Variants in CALN1 observed in about 807,000 individuals in gnomAD.
CALN1 encodes the protein calneuron 1, also known as calcium-binding protein 8.
A neutral mutation model predicts 30.6 loss-of-function variants in CALN1; 17 were observed. That is an observed-to-expected ratio of 0.56 (90% confidence interval 0.38 to 0.83). The LOEUF is 0.83. Among genes scored for constraint, CALN1 ranks in the 40% least tolerant of loss-of-function variants. The pLI is 0.00. For missense variants in CALN1, 291 were observed against 354.9 expected (o/e 0.82, Z 1.45); for synonymous variants, 156 against 131.4 (o/e 1.19, Z -1.28).
chr7:72,226,233 G>T (rs2129550268), intron 3 of CALN1, among the ~76,000 whole-genome samples: 2 of 152,016 alleles, frequency 1.3e-5, no homozygotes, highest in Admixed American at 1.3e-4. Flanking sequence ...TGACAAGAGT[G>T]AAAATCTGTC....
At chr7:72,174,456 C>T (rs1418874073) in intron 3 of CALN1, among the ~76,000 whole-genome samples, 1 of 152,074 alleles carries the variant, frequency 6.6e-6, no homozygotes, top group Non-Finnish European at 1.5e-5. Context: ...AGCTTTATTA[C>T]ATTTTTGACT....
chr7:72,009,540 A>C (rs1799952650), intron 5 of CALN1, among the ~76,000 whole-genome samples: 1 of 152,198 alleles, frequency 6.6e-6, no homozygotes, highest in Non-Finnish European at 1.5e-5. Context: ...GCTATCATAT[A>C]TTCATGGTTT....
At chr7:72,132,811 G>C (rs562440997) in intron 3 of CALN1, among the ~76,000 whole-genome samples, 57 of 152,080 alleles carry the variant, frequency 3.7e-4, no homozygotes, top group African/African-American at 1.3e-3. Flanking sequence ...TTAAAGTAGG[G>C]GTCCCCAACC....
chr7:72,474,007 T>TG, the CALN1 span, among the ~76,000 whole-genome samples: 317 of 151,700 alleles, frequency 2.1e-3, no homozygotes, highest in Middle Eastern at 3.4e-3. Flanking sequence ...CTGAGTATTT[T>TG]GAAAAAAAAG....
chr7:72,396,258 G>GAAAAAAAAAA (rs1554399594), intron 2 of CALN1, among the ~76,000 whole-genome samples: 12 of 109,660 alleles, frequency 1.1e-4, no homozygotes, highest in South Asian at 3.1e-4. Flanking sequence ...AAAAAAAAAA[G>GAAAAAAAAAA]AAAGAAAAAG....
chr7:72,459,096 G>A, the CALN1 span, among the ~76,000 whole-genome samples: 11 of 151,810 alleles, frequency 7.2e-5, no homozygotes, highest in Non-Finnish European at 2.9e-5. Context: ...ATGAGACGGG[G>A]TTTCACCATG....
intron 5 of CALN1, among the ~76,000 whole-genome samples, chr7:71,971,092 G>A (rs1441858122): frequency 2.0e-5 from 3 of 152,172 alleles, no homozygotes; most frequent in Non-Finnish European, 1.5e-5. Context: ...CCACAAAAGA[G>A]GACTGGTAAA....
intron 1 of CALN1, among the ~76,000 whole-genome samples, chr7:72,431,023 G>A (rs1203067282): frequency 1.4e-5 from 2 of 138,424 alleles, no homozygotes; most frequent in African/African-American, 5.5e-5. Flanking sequence ...TCCGCCTCCC[G>A]GGTTCAAGCG....
At chr7:72,338,019 C>A (rs1802181387) in intron 2 of CALN1, among the ~76,000 whole-genome samples, 1 of 152,218 alleles carries the variant, frequency 6.6e-6, no homozygotes, top group South Asian at 2.1e-4. Flanking sequence ...CTTTCCCAGT[C>A]CCCACCTGTC....
At chr7:72,041,824 C>T (rs551038025) in intron 4 of CALN1, among the ~76,000 whole-genome samples, 30 of 152,140 alleles carry the variant, frequency 2.0e-4, no homozygotes, top group Non-Finnish European at 2.8e-4. Context: ...TCTGATGATC[C>T]GATAAAGGGG....
At chr7:72,020,679 T>C (rs1800653181) in intron 5 of CALN1, among the ~76,000 whole-genome samples, 1 of 152,210 alleles carries the variant, frequency 6.6e-6, no homozygotes, top group African/African-American at 2.4e-5. Context: ...CTCCAGCCTA[T>C]CTTTTCACCC....
At chr7:72,075,346 A>ATT (rs1804658584) in intron 4 of CALN1, among the ~76,000 whole-genome samples, 1 of 152,234 alleles carries the variant, frequency 6.6e-6, no homozygotes, top group Non-Finnish European at 1.5e-5. Context: ...AGTCAAGTTG[A>ATT]CACATAAGAT....
chr7:71,930,917 G>C (rs1275317015), intron 5 of CALN1, among the ~76,000 whole-genome samples: 1 of 152,124 alleles, frequency 6.6e-6, no homozygotes, highest in Non-Finnish European at 1.5e-5. Context: ...GTCTAATTTA[G>C]ATGTCCCTTT....
At chr7:71,978,523 CT>C (rs1798224315) in intron 5 of CALN1, among the ~76,000 whole-genome samples, 1 of 152,078 alleles carries the variant, frequency 6.6e-6, no homozygotes, top group African/African-American at 2.4e-5. Context: ...ATCCGCCCAC[CT>C]CAGCCTCCCA....
intron 4 of CALN1, among the ~76,000 whole-genome samples, chr7:72,102,769 G>A (rs1353831228): frequency 6.6e-6 from 1 of 152,098 alleles, no homozygotes; most frequent in Non-Finnish European, 1.5e-5. Context: ...ATTGAGAGGT[G>A]ATGGCTAAGA....
intron 1 of CALN1, among the ~76,000 whole-genome samples, chr7:72,437,635 CT>C: frequency 6.6e-6 from 1 of 151,078 alleles, no homozygotes; most frequent in South Asian, 2.1e-4. Flanking sequence ...CTTTCTTTTT[CT>C]TTCTCTTTCT....
intron 4 of CALN1, among the ~76,000 whole-genome samples, chr7:72,070,932 G>A (rs4538772): frequency 6.6e-6 from 1 of 152,174 alleles, no homozygotes; most frequent in Non-Finnish European, 1.5e-5. Context: ...AGTTCACCCA[G>A]AAAGTCAAAA....
intron 2 of CALN1, among the ~76,000 whole-genome samples, chr7:72,334,822 T>C (rs913973120): frequency 1.3e-5 from 2 of 152,222 alleles, no homozygotes; most frequent in African/African-American, 2.4e-5. Context: ...AACTTCACCA[T>C]TGTAGAACAG....
chr7:72,462,457 T>G, the CALN1 span, among the ~76,000 whole-genome samples: 3 of 152,184 alleles, frequency 2.0e-5, no homozygotes, highest in Non-Finnish European at 4.4e-5. Context: ...ACTGCTAGAA[T>G]CACAGGCATG....
Sources: gnomAD v4.1 joint callset for allele counts (sites outside exome capture counted in the v4.1 genomes callset) on GRCh38, gnomAD v4.1.1 for gene constraint, MANE v1.5 for transcripts, NCBI Gene and HGNC (gene_info 2026-07-23, HGNC 2026-07-21) for gene names.